The following PRMT3 variants were observed in gnomAD, a reference collection of about 807,000 sequenced individuals.
The protein encoded by PRMT3 is protein arginine methyltransferase 3, also known as protein arginine N-methyltransferase 3.
A neutral mutation model predicts 71.9 loss-of-function variants in PRMT3; 62 were observed. The ratio of observed to expected loss-of-function variants is 0.86; its 90% confidence interval spans 0.70 to 1.07. The LOEUF (loss-of-function observed/expected upper bound fraction) is 1.07, where lower values mean the gene tolerates loss of function less well. PRMT3 is among the 50% of genes least tolerant of loss of function. The pLI is 0.00. For missense variants in PRMT3, 663 were observed against 643.0 expected, an observed-to-expected ratio of 1.03 and a Z score of -0.34; for synonymous variants, 213 against 220.4, an observed-to-expected ratio of 0.97 and a Z score of 0.30.
chr11:20,498,103 G>A (rs545524528), intron 15 of PRMT3, among the ~76,000 whole-genome samples: 15 of 152,236 alleles, frequency 9.9e-5, no homozygotes, highest in African/African-American at 3.6e-4. Context: ...TGAATACATA[G>A]CAATAAAATG....
intron 3 of PRMT3, among the ~76,000 whole-genome samples, chr11:20,390,455 G>C (rs1196028859): frequency 6.6e-6 from 1 of 151,404 alleles, no homozygotes; most frequent in Non-Finnish European, 1.5e-5. Flanking sequence ...GAAAAAGGAC[G>C]CAGGTCATTT....
At chr11:20,489,431 G>A (rs1851156347) in intron 13 of PRMT3, among the ~76,000 whole-genome samples, 2 of 152,090 alleles carry the variant, frequency 1.3e-5, no homozygotes, top group Non-Finnish European at 1.5e-5. Flanking sequence ...ATGTCAAGTT[G>A]TAGCTCCAGT....
chr11:20,424,910 C>T (rs775993456), intron 9 of PRMT3, among the ~76,000 whole-genome samples: 42 of 152,084 alleles, frequency 2.8e-4, no homozygotes, highest in Non-Finnish European at 4.6e-4. Context: ...TGTTTGAGAC[C>T]AGCCACAACA....
chr11:20,424,629 A>C (rs373618955), intron 9 of PRMT3, among the ~76,000 whole-genome samples: 9 of 152,342 alleles, frequency 5.9e-5, no homozygotes, highest in Non-Finnish European at 5.9e-5. Context: ...GATTCCTTAG[A>C]TATGTCACCA....
intron 6 of PRMT3, among the ~76,000 whole-genome samples, chr11:20,396,636 G>A (rs532002033): frequency 4.0e-5 from 6 of 151,478 alleles, no homozygotes; most frequent in East Asian, 1.9e-4. Flanking sequence ...AGACTTTGTC[G>A]GGGTGGGGTC....
intron 10 of PRMT3, among the ~76,000 whole-genome samples, chr11:20,437,653 G>A (rs376246638): frequency 4.6e-5 from 7 of 151,826 alleles, no homozygotes; most frequent in African/African-American, 1.7e-4. Flanking sequence ...GCAGTGGTGC[G>A]ATCTCGGCTC....
At chr11:20,401,461 A>C (rs1170522649) in intron 7 of PRMT3, among the ~76,000 whole-genome samples, 1 of 152,178 alleles carries the variant, frequency 6.6e-6, no homozygotes, top group African/African-American at 2.4e-5. Context: ...ATCAGAAAAC[A>C]TGGAATTAAT....
intron 9 of PRMT3, among the ~76,000 whole-genome samples, chr11:20,423,950 C>T (rs1392339651): frequency 2.0e-5 from 3 of 148,222 alleles, no homozygotes; most frequent in African/African-American, 5.0e-5. Flanking sequence ...TTTGGGAGGC[C>T]GAGGCAGGTG....
chr11:20,424,225 A>G (rs1590054252), intron 9 of PRMT3, among the ~76,000 whole-genome samples: 1 of 149,084 alleles, frequency 6.7e-6, no homozygotes, highest in African/African-American at 2.5e-5. Flanking sequence ...GCAAATGATC[A>G]AGAATAGCCA....
chr11:20,417,952 G>C (rs1187939533), intron 9 of PRMT3, among the ~76,000 whole-genome samples: 1 of 151,998 alleles, frequency 6.6e-6, no homozygotes, highest in Non-Finnish European at 1.5e-5. Flanking sequence ...TTACTGTTCT[G>C]TCTCTCTTAG....
At chr11:20,464,634 A>G in intron 13 of PRMT3, 88 bp downstream of exon 13, 1 of 1,550,664 alleles carries the variant, frequency 6.4e-7, no homozygotes, top group Non-Finnish European at 8.7e-7. Context: ...GCTTGTGACA[A>G]ATGAAAATGA....
At chr11:20,437,752 G>A (rs1849793267) in intron 10 of PRMT3, among the ~76,000 whole-genome samples, 1 of 152,086 alleles carries the variant, frequency 6.6e-6, no homozygotes, top group Admixed American at 6.5e-5. Context: ...ACCATGCCCG[G>A]CTAATTTTTT....
chr11:20,472,477 C>G (rs1850670335), intron 13 of PRMT3, among the ~76,000 whole-genome samples: 1 of 152,136 alleles, frequency 6.6e-6, no homozygotes, highest in Non-Finnish European at 1.5e-5. Context: ...GTCATTGGTT[C>G]TGTTTTTGTG....
chr11:20,396,005 G>A (rs749607114), intron 6 of PRMT3, 43 bp downstream of exon 6: 1 of 1,583,808 alleles, frequency 6.3e-7, no homozygotes, highest in Non-Finnish European at 8.6e-7. Context: ...TAGATCTCCA[G>A]AATAATACAA....
intron 13 of PRMT3, among the ~76,000 whole-genome samples, chr11:20,485,100 A>T (rs1448040693): frequency 1.3e-5 from 2 of 152,136 alleles, no homozygotes; most frequent in African/African-American, 4.8e-5. Flanking sequence ...GCCCAAGAAT[A>T]AGGTATGAGA....
At chr11:20,483,388 A>C (rs776130816) in intron 13 of PRMT3, among the ~76,000 whole-genome samples, 5 of 152,066 alleles carry the variant, frequency 3.3e-5, no homozygotes, top group Admixed American at 6.6e-5. Context: ...GGGCTTTTGC[A>C]TGGATAGTTT....
chr11:20,391,152 A>T (rs1409112252), intron 3 of PRMT3, among the ~76,000 whole-genome samples: 1 of 152,258 alleles, frequency 6.6e-6, no homozygotes, highest in Non-Finnish European at 1.5e-5. Flanking sequence ...TCAGTGTCAG[A>T]TAAATACGTG....
chr11:20,437,715 G>A (rs939246993), intron 10 of PRMT3, among the ~76,000 whole-genome samples: 3 of 151,868 alleles, frequency 2.0e-5, no homozygotes, highest in Non-Finnish European at 4.4e-5. Flanking sequence ...TCAGCCTCCC[G>A]AGTAGCTGGG....
intron 8 of PRMT3, among the ~76,000 whole-genome samples, chr11:20,405,174 G>C (rs183285904): frequency 4.0e-5 from 6 of 151,488 alleles, no homozygotes; most frequent in Admixed American, 3.9e-4. Context: ...AGGCCATATG[G>C]TTTCTCAGAT....
Sources: allele counts gnomAD v4.1 joint callset (sites outside exome capture counted in the v4.1 genomes callset), GRCh38; gene constraint gnomAD v4.1.1; transcripts MANE v1.5; gene names NCBI Gene and HGNC (gene_info 2026-07-23, HGNC 2026-07-21).